The following EYS variants were observed in gnomAD, a reference collection of about 807,000 sequenced individuals.
EYS encodes the protein protein eyes shut homolog.
Under a neutral mutation model 282.1 loss-of-function variants are expected in EYS, and 250 were observed. The observed-to-expected ratio is 0.89, with a 90% CI of 0.80 to 0.98. The LOEUF (loss-of-function observed/expected upper bound fraction) is 0.98, where lower values mean the gene tolerates loss of function less well. EYS is among the 50% of genes least tolerant of loss of function. The pLI is 0.00. For missense variants in EYS, 4,016 were observed against 3,709.0 expected (o/e 1.08, Z -2.15); for synonymous variants, 1,355 against 1,282.9 (o/e 1.06, Z -1.20).
intron 12 of EYS, among the ~76,000 whole-genome samples, chr6:65,219,141 TTA>T (rs1162785888): frequency 9.2e-5 from 14 of 152,136 alleles, no homozygotes; most frequent in Admixed American, 1.3e-4. Context: ...TCAAGTAGGT[TTA>T]TATGGCATTT....
At chr6:64,952,410 G>C (rs1225045556) in intron 14 of EYS, among the ~76,000 whole-genome samples, 3 of 151,932 alleles carry the variant, frequency 2.0e-5, no homozygotes, top group Non-Finnish European at 4.4e-5. Flanking sequence ...TGCCCAACGA[G>C]GGTATAAGAA....
At chr6:65,615,494 C>A (rs1766157857) in intron 2 of EYS, among the ~76,000 whole-genome samples, 1 of 150,590 alleles carries the variant, frequency 6.6e-6, no homozygotes, top group Non-Finnish European at 1.5e-5. Flanking sequence ...GTTTACTGTG[C>A]CACATTTTTA....
At chr6:64,184,685 A>T (rs1321440600) in intron 31 of EYS, among the ~76,000 whole-genome samples, 1 of 152,216 alleles carries the variant, frequency 6.6e-6, no homozygotes, top group Admixed American at 6.5e-5. Flanking sequence ...TCTAGGAAAT[A>T]GAAAATTTGC....
intron 9 of EYS, among the ~76,000 whole-genome samples, chr6:65,352,325 GTTGT>G (rs1391764131): frequency 6.6e-6 from 1 of 151,850 alleles, no homozygotes; most frequent in Non-Finnish European, 1.5e-5. Flanking sequence ...TAATTTGCTG[GTTGT>G]TTGTAAACTG....
intron 31 of EYS, among the ~76,000 whole-genome samples, chr6:64,173,884 G>A (rs1764552034): frequency 6.6e-6 from 1 of 151,988 alleles, no homozygotes; most frequent in African/African-American, 2.4e-5. Flanking sequence ...AATGTTAATT[G>A]CAAAATTATG....
chr6:65,454,531 T>C (rs565352508), intron 5 of EYS, among the ~76,000 whole-genome samples: 201 of 152,042 alleles, frequency 1.3e-3, no homozygotes, highest in Non-Finnish European at 2.1e-3. Context: ...AGCCTATTTT[T>C]GCTTTTGTTG....
chr6:64,476,912 G>T (rs952846747), intron 26 of EYS, among the ~76,000 whole-genome samples: 1 of 152,054 alleles, frequency 6.6e-6, no homozygotes, highest in African/African-American at 2.4e-5. Flanking sequence ...ATAGTTTTAT[G>T]AAATGCACAT....
intron 12 of EYS, among the ~76,000 whole-genome samples, chr6:65,096,246 T>C (rs936047391): frequency 6.6e-6 from 1 of 150,920 alleles, no homozygotes; most frequent in Non-Finnish European, 1.5e-5. Context: ...ACATAATTTA[T>C]AATAACATTA....
At chr6:64,277,893 C>A (rs547680199) in intron 30 of EYS, among the ~76,000 whole-genome samples, 13 of 152,090 alleles carry the variant, frequency 8.5e-5, no homozygotes, top group African/African-American at 3.1e-4. Context: ...TGGGCTAAAA[C>A]TAAATACTAA....
At chr6:64,678,766 A>T (rs951114350) in intron 22 of EYS, among the ~76,000 whole-genome samples, 3 of 151,622 alleles carry the variant, frequency 2.0e-5, no homozygotes, top group African/African-American at 7.3e-5. Context: ...GGGTGGATCA[A>T]TTGAGGTCTG....
chr6:64,706,599 T>C (rs561971525), intron 22 of EYS, among the ~76,000 whole-genome samples: 1 of 151,742 alleles, frequency 6.6e-6, no homozygotes, highest in East Asian at 1.9e-4. Flanking sequence ...TACAAGCAAC[T>C]CAAACAAATC....
At position 64,285,946 on chromosome 6, in the gene EYS, G is replaced by A. The variant is rs148740568; in HGVS notation, c.6191+21024C>T. On this transcript the variant is annotated intron_variant, in intron 30 of 42. Coordinates refer to ENST00000503581, the MANE Select transcript of EYS (RefSeq NM_001142800.2). ...GTACAATTCAAGATGAGATTTGGGT[G>A]GGGACACAGAGCCAAACCATATCAG... Among the ~76,000 whole-genome samples the A allele has an allele frequency of 1.9e-3, 291 of 152,256 alleles. 1 individual carries two copies. The highest frequency in any genetic ancestry group is 6.4e-3 in the African/African-American group (268 of 41,552).
At chr6:64,966,638 G>T (rs139760210) in intron 14 of EYS, among the ~76,000 whole-genome samples, 5 of 152,136 alleles carry the variant, frequency 3.3e-5, no homozygotes, top group Non-Finnish European at 7.4e-5. Context: ...CTTGGTTTAT[G>T]CCCACCTTTT....
intron 2 of EYS, among the ~76,000 whole-genome samples, chr6:65,512,814 C>A (rs185272326): frequency 1.3e-5 from 2 of 151,718 alleles, no homozygotes; most frequent in Non-Finnish European, 2.9e-5. Flanking sequence ...ATTTATAGCA[C>A]CAAATGCCCA....
chr6:63,925,660 T>G (rs573968226), intron 35 of EYS, among the ~76,000 whole-genome samples: 1 of 152,332 alleles, frequency 6.6e-6, no homozygotes, highest in Admixed American at 6.5e-5. Flanking sequence ...TGTTTGTTTT[T>G]TGAGACAGAG....
At chr6:64,572,137 A>G (rs1025264307) in intron 26 of EYS, among the ~76,000 whole-genome samples, 1 of 152,216 alleles carries the variant, frequency 6.6e-6, no homozygotes, top group African/African-American at 2.4e-5. Context: ...AAATCAAAAA[A>G]CATAATCCAT....
chr6:63,838,899 C>T (rs942755039), intron 36 of EYS, among the ~76,000 whole-genome samples: 1 of 152,126 alleles, frequency 6.6e-6, no homozygotes, highest in African/African-American at 2.4e-5. Context: ...TATTTATACG[C>T]TGACAATACC....
chr6:63,735,445 G>T (rs1037196320), intron 41 of EYS, among the ~76,000 whole-genome samples: 3 of 150,474 alleles, frequency 2.0e-5, no homozygotes, highest in Non-Finnish European at 4.4e-5. Flanking sequence ...CATCTTTTTC[G>T]TTCTCTCATT....
At chr6:63,980,448 T>C (rs913257275) in intron 35 of EYS, among the ~76,000 whole-genome samples, 1 of 151,888 alleles carries the variant, frequency 6.6e-6, no homozygotes, top group African/African-American at 2.4e-5. Context: ...AAATCATCAG[T>C]ATCTGTGTAT....
Sources: allele counts gnomAD v4.1 joint callset (sites outside exome capture counted in the v4.1 genomes callset), GRCh38; gene constraint gnomAD v4.1.1; transcripts MANE v1.5; gene names NCBI Gene and HGNC (gene_info 2026-07-23, HGNC 2026-07-21).